ZC4H2: variants seen among roughly 807,000 people sequenced by gnomAD.
ZC4H2 encodes zinc finger C4H2-type containing.
For missense variants in ZC4H2, 137 were observed against 173.9 expected (o/e 0.79, Z 1.19); for synonymous variants, 84 against 66.3 (o/e 1.27, Z -1.30).
chrX:64,968,525 T>G (rs781485171), intron 1 of ZC4H2, among the ~76,000 whole-genome samples: 11 of 111,665 alleles, frequency 9.9e-5, no homozygotes, highest in African/African-American at 3.2e-4. Flanking sequence ...TGCATGGAAT[T>G]GTTGGATGCT....
chrX:64,947,263 T>C (rs1283638573), intron 1 of ZC4H2, among the ~76,000 whole-genome samples: 2 of 112,181 alleles, frequency 1.8e-5, no homozygotes, highest in African/African-American at 6.5e-5. Flanking sequence ...AAATGGTCTA[T>C]CTATTTTGGT....
At chrX:65,030,281 C>A (rs1261492875) in intron 1 of ZC4H2, among the ~76,000 whole-genome samples, 1 of 110,294 alleles carries the variant, frequency 9.1e-6, no homozygotes, top group Non-Finnish European at 1.9e-5. Context: ...CCACACCCAG[C>A]TAATTTTTGT....
At chrX:64,943,613 G>T (rs1930392488) in intron 1 of ZC4H2, among the ~76,000 whole-genome samples, 1 of 108,276 alleles carries the variant, frequency 9.2e-6, no homozygotes, top group African/African-American at 3.3e-5. Context: ...GATCTTTGTT[G>T]TTTAAGGTCT....
At chrX:65,000,406 G>T (rs1486566706) in intron 1 of ZC4H2, among the ~76,000 whole-genome samples, 1 of 111,845 alleles carries the variant, frequency 8.9e-6, no homozygotes, top group Non-Finnish European at 1.9e-5. Flanking sequence ...AAAAAAGGAC[G>T]TCCTGGCAGA....
intron 1 of ZC4H2, among the ~76,000 whole-genome samples, chrX:64,962,784 C>T (rs982159336): frequency 9.0e-6 from 1 of 111,265 alleles, no homozygotes; most frequent in African/African-American, 3.3e-5. Flanking sequence ...GACACAATCC[C>T]ACTTATGATA....
chrX:64,925,671 C>T (rs1162959701), intron 1 of ZC4H2, among the ~76,000 whole-genome samples: 2 of 111,971 alleles, frequency 1.8e-5, no homozygotes, highest in Admixed American at 1.9e-4. Flanking sequence ...TTTACAGAAA[C>T]CCATGTTATT....
intron 1 of ZC4H2, among the ~76,000 whole-genome samples, chrX:65,031,401 T>C (rs1476008760): frequency 8.9e-6 from 1 of 111,860 alleles, no homozygotes; most frequent in African/African-American, 3.2e-5. Flanking sequence ...TGACATCTTC[T>C]TCTATGACTT....
chrX:65,014,554 C>T (rs1255990714), intron 1 of ZC4H2, among the ~76,000 whole-genome samples: 1 of 111,716 alleles, frequency 9.0e-6, no homozygotes, highest in Admixed American at 9.5e-5. Context: ...TCATATTTCA[C>T]CAAGCTCTAC....
chrX:65,020,518 C>T (rs1248685703), intron 1 of ZC4H2, among the ~76,000 whole-genome samples: 4 of 111,922 alleles, frequency 3.6e-5, no homozygotes, highest in Non-Finnish European at 7.5e-5. Flanking sequence ...GCCTGCCTAA[C>T]AAGGGCTCCT....
intron 1 of ZC4H2, among the ~76,000 whole-genome samples, chrX:64,936,006 A>G (rs1044440012): frequency 9.1e-6 from 1 of 110,354 alleles, no homozygotes; most frequent in Non-Finnish European, 1.9e-5. Flanking sequence ...AACACAATGC[A>G]AGGAAGCTAA....
intron 1 of ZC4H2, among the ~76,000 whole-genome samples, chrX:64,964,546 ATAT>A (rs1180638274): frequency 8.9e-6 from 1 of 111,819 alleles, no homozygotes; most frequent in African/African-American, 3.2e-5. Flanking sequence ...ATCCATGCCA[ATAT>A]AGAATTATTT....
intron 1 of ZC4H2, among the ~76,000 whole-genome samples, chrX:64,962,681 A>G (rs751729429): frequency 1.8e-5 from 2 of 112,086 alleles, no homozygotes; most frequent in South Asian, 7.3e-4. Context: ...GAATTAATAA[A>G]TGAATTCAGT....
chrX:64,951,089 GA>G (rs947835678), intron 1 of ZC4H2, among the ~76,000 whole-genome samples: 1 of 111,282 alleles, frequency 9.0e-6, no homozygotes, highest in African/African-American at 3.3e-5. Context: ...AGTTTACTGA[GA>G]ATGATGATTT....
intron 1 of ZC4H2, among the ~76,000 whole-genome samples, chrX:64,931,890 A>C (rs1319746287): frequency 8.9e-6 from 1 of 111,839 alleles, no homozygotes; most frequent in Non-Finnish European, 1.9e-5. Flanking sequence ...GTATAGTTTA[A>C]GTCCACTGTT....
At chrX:64,985,781 G>A (rs1444334689) in intron 1 of ZC4H2, among the ~76,000 whole-genome samples, 1 of 111,564 alleles carries the variant, frequency 9.0e-6, no homozygotes, top group Admixed American at 9.5e-5. Context: ...TTTTCCTATG[G>A]CAAGCAGAGG....
intron 1 of ZC4H2, among the ~76,000 whole-genome samples, chrX:64,989,787 A>G (rs759573827): frequency 8.9e-6 from 1 of 112,276 alleles, no homozygotes; most frequent in Non-Finnish European, 1.9e-5. Flanking sequence ...CTTCAACGTC[A>G]TTAGCCATTT....
At chrX:65,015,513 T>C (rs771670407) in intron 1 of ZC4H2, among the ~76,000 whole-genome samples, 71 of 112,015 alleles carry the variant, frequency 6.3e-4, no homozygotes, top group Non-Finnish European at 1.2e-3. Context: ...AAAATCCAAA[T>C]GTTGGCTGGG....
At chrX:64,918,835 A>G in intron 4 of ZC4H2, 1 of 354,190 alleles carries the variant, frequency 2.8e-6, no homozygotes, top group Non-Finnish European at 4.6e-6. Flanking sequence ...CCTGCATTCT[A>G]ACACCTCTGG....
intron 1 of ZC4H2, among the ~76,000 whole-genome samples, chrX:64,947,493 T>C (rs998396870): frequency 1.8e-5 from 2 of 112,640 alleles, no homozygotes; most frequent in African/African-American, 6.4e-5. Flanking sequence ...ATGTCTTTCT[T>C]CCATAATAAA....
Sources: gnomAD v4.1 joint callset for allele counts (sites outside exome capture counted in the v4.1 genomes callset) on GRCh38, gnomAD v4.1.1 for gene constraint, MANE v1.5 for transcripts, NCBI Gene and HGNC (gene_info 2026-07-23, HGNC 2026-07-21) for gene names.